Variants in TMEM132D observed in about 807,000 individuals in gnomAD.
The protein encoded by TMEM132D is transmembrane protein 132D.
A neutral mutation model predicts 62.3 loss-of-function variants in TMEM132D; 21 were observed. That is an observed-to-expected ratio of 0.34 (90% CI 0.24 to 0.49). The LOEUF (loss-of-function observed/expected upper bound fraction) is 0.49. TMEM132D is among the 20% of genes least tolerant of loss of function. The probability of loss-of-function intolerance (pLI) is 0.99; values close to 1 mark genes in which losing one functional copy is unlikely to be tolerated. For synonymous variants in TMEM132D, 621 were observed against 575.6 expected, an observed-to-expected ratio of 1.08 and a Z score of -1.13; for missense variants, 1,346 against 1,402.8, an observed-to-expected ratio of 0.96 and a Z score of 0.65.
chr12:129,699,651 G>C (rs1881325868), intron 2 of TMEM132D, among the ~76,000 whole-genome samples, 159 bp downstream of exon 2: 1 of 152,216 alleles, frequency 6.6e-6, no homozygotes, highest in South Asian at 2.1e-4. Flanking sequence ...GGAACGATCA[G>C]ACTGGTCTCT....
At chr12:129,621,416 T>C (rs536484474) in intron 2 of TMEM132D, among the ~76,000 whole-genome samples, 2 of 152,270 alleles carry the variant, frequency 1.3e-5, no homozygotes, top group African/African-American at 4.8e-5. Flanking sequence ...ACATGTTGTC[T>C]ATTCATGCAC....
intron 4 of TMEM132D, among the ~76,000 whole-genome samples, chr12:129,323,417 C>T (rs1463946138): frequency 1.7e-5 from 2 of 116,396 alleles, no homozygotes; most frequent in Non-Finnish European, 3.8e-5. Context: ...GAAAAACAAA[C>T]AGAAAAAAAA....
intron 1 of TMEM132D, among the ~76,000 whole-genome samples, chr12:129,731,081 G>T (rs1004046933): frequency 6.6e-6 from 1 of 152,076 alleles, no homozygotes; most frequent in Non-Finnish European, 1.5e-5. Context: ...TACACCAGGG[G>T]TGTGCTCTCT....
intron 3 of TMEM132D, among the ~76,000 whole-genome samples, chr12:129,361,641 C>A (rs546902858): frequency 6.6e-6 from 1 of 152,306 alleles, no homozygotes; most frequent in South Asian, 2.1e-4. Flanking sequence ...TTGTTGACTG[C>A]TGCCTCTATA....
In TMEM132D at chr12:129,604,217, C is replaced by T. The variant is rs553496742; in HGVS notation, c.969-73012G>A. 8.5e-5 allele frequency among the ~76,000 whole-genome samples: 13 copies of T among 152,142 alleles called. No homozygotes were observed. In the East Asian group the frequency reaches 1.2e-3, roughly 14 times the overall value. On this transcript the variant is annotated intron_variant, in intron 2 of 8. Coordinates refer to ENST00000422113, the MANE Select transcript of TMEM132D (RefSeq NM_133448.3). ...AGCACTAGGAAAAAAACCTACTGCA[C>T]GTGAGGCTTAAAACCCAGATGATGG...
intron 1 of TMEM132D, among the ~76,000 whole-genome samples, chr12:129,753,057 T>C (rs1870050373): frequency 6.6e-6 from 1 of 152,192 alleles, no homozygotes; most frequent in Non-Finnish European, 1.5e-5. Flanking sequence ...TTGTTATATG[T>C]GACTTTCAAG....
intron 2 of TMEM132D, among the ~76,000 whole-genome samples, chr12:129,608,725 G>A (rs1011606442): frequency 2.8e-4 from 42 of 152,270 alleles, no homozygotes; most frequent in African/African-American, 8.9e-4. Context: ...GCCTTTCTCC[G>A]TCTGTCATGC....
At chr12:129,776,257 G>T (rs1565981591) in intron 1 of TMEM132D, among the ~76,000 whole-genome samples, 1 of 152,186 alleles carries the variant, frequency 6.6e-6, no homozygotes, top group East Asian at 1.9e-4. Flanking sequence ...ACCCCAAAAA[G>T]CATGAGATAC....
chr12:129,889,643 C>T (rs1440145678), intron 1 of TMEM132D, among the ~76,000 whole-genome samples: 1 of 152,210 alleles, frequency 6.6e-6, no homozygotes, highest in East Asian at 1.9e-4. Flanking sequence ...GTTTCTTGGA[C>T]ATTATCTTAT....
At chr12:129,544,720 G>GA (rs888110734) in intron 2 of TMEM132D, among the ~76,000 whole-genome samples, 14 of 151,254 alleles carry the variant, frequency 9.3e-5, no homozygotes, top group East Asian at 5.8e-4. Context: ...GAAATGAAAA[G>GA]AAAAAAAAGA....
At chr12:129,607,341 G>A (rs932509326) in intron 2 of TMEM132D, among the ~76,000 whole-genome samples, 2 of 152,160 alleles carry the variant, frequency 1.3e-5, no homozygotes, top group African/African-American at 4.8e-5. Context: ...ACCTGCGATC[G>A]CATGCACAGA....
intron 3 of TMEM132D, among the ~76,000 whole-genome samples, chr12:129,364,024 A>T (rs1593352024): frequency 6.6e-6 from 1 of 152,222 alleles, no homozygotes; most frequent in Admixed American, 6.5e-5. Context: ...GGCTTCAAAC[A>T]TCCATCTATT....
chr12:129,678,790 C>G (rs11060496), intron 2 of TMEM132D, among the ~76,000 whole-genome samples: 1 of 152,044 alleles, frequency 6.6e-6, no homozygotes, highest in African/African-American at 2.4e-5. Context: ...GATACGACAT[C>G]AATGCCTATA....
chr12:129,130,354 G>T (rs1024712666), intron 5 of TMEM132D, among the ~76,000 whole-genome samples: 2 of 151,914 alleles, frequency 1.3e-5, no homozygotes, highest in Non-Finnish European at 2.9e-5. Context: ...CCCGCCACAG[G>T]ACTTGCGGAA....
At chr12:129,329,735 G>A (rs926444893) in intron 4 of TMEM132D, among the ~76,000 whole-genome samples, 19 of 152,106 alleles carry the variant, frequency 1.2e-4, no homozygotes, top group South Asian at 4.1e-4. Flanking sequence ...ACTATGGGCT[G>A]GTCCTGTGCT....
intron 1 of TMEM132D, among the ~76,000 whole-genome samples, chr12:129,894,726 G>A (rs1875046257): frequency 7.8e-6 from 1 of 128,656 alleles, no homozygotes; most frequent in Non-Finnish European, 1.7e-5. Flanking sequence ...CACCTTCCTT[G>A]TTGGTTTCTT....
At chr12:129,551,679 C>T (rs1876903158) in intron 2 of TMEM132D, among the ~76,000 whole-genome samples, 1 of 152,138 alleles carries the variant, frequency 6.6e-6, no homozygotes, top group Non-Finnish European at 1.5e-5. Context: ...TCATGGAGCA[C>T]CTCCAAACAC....
rs61354153 is a variant in TMEM132D at position 129,180,210 on chromosome 12, GGGAGGA to G, written c.1443+29304_1443+29309del. On this transcript the variant is annotated intron_variant, in intron 5 of 8. Coordinates refer to ENST00000422113, the MANE Select transcript of TMEM132D (RefSeq NM_133448.3). ...GCATTCGTAAGCAGCACAGATAGTGGGGAGGAGGAGGAGGAGGAGGAGGAGGAAGCA... is the reference window on the plus strand; with the variant it reads ...GCATTCGTAAGCAGCACAGATAGTGGGGAGGAGGAGGAGGAGGAGGAAGCA... Among the ~76,000 whole-genome samples the G allele has an allele frequency of 3.1e-3, 472 of 149,910 alleles. 1 individual carries two copies. Among genetic ancestry groups the G allele is most frequent in the Non-Finnish European group, 4.7e-3 (320 of 67,436 alleles).
chr12:129,578,018 A>G (rs114487941), intron 2 of TMEM132D, among the ~76,000 whole-genome samples: 203 of 152,302 alleles, frequency 1.3e-3, no homozygotes, highest in African/African-American at 4.4e-3. Flanking sequence ...ACGCAGAAGA[A>G]AAAGGCAGAC....
Sources: gnomAD v4.1 joint callset for allele counts (sites outside exome capture counted in the v4.1 genomes callset) on GRCh38, gnomAD v4.1.1 for gene constraint, MANE v1.5 for transcripts, NCBI Gene and HGNC (gene_info 2026-07-23, HGNC 2026-07-21) for gene names.